SH3BP5: variants seen among roughly 807,000 people sequenced by gnomAD.
SH3BP5 encodes the protein SH3 domain binding protein 5.
In SH3BP5, 22 loss-of-function variants were observed where a neutral mutation model predicts 43.3. That is an observed-to-expected ratio of 0.51 (90% CI 0.36 to 0.73). The LOEUF (loss-of-function observed/expected upper bound fraction) is 0.73, where lower values mean the gene tolerates loss of function less well. SH3BP5 is among the 30% of genes least tolerant of loss of function. The pLI is 0.00. For missense variants in SH3BP5, 529 were observed against 586.9 expected (o/e 0.90, Z 1.02); for synonymous variants, 255 against 225.8 (o/e 1.13, Z -1.16).
At chr3:15,307,825 C>G (rs1697952678) in intron 2 of SH3BP5, among the ~76,000 whole-genome samples, 1 of 152,200 alleles carries the variant, frequency 6.6e-6, no homozygotes, top group African/African-American at 2.4e-5. Context: ...ACATTCACAC[C>G]AGTGAGAAAA....
At chr3:15,337,672 A>G (rs1046979268) in intron 1 of SH3BP5, among the ~76,000 whole-genome samples, 1 of 151,972 alleles carries the variant, frequency 6.6e-6, no homozygotes, top group Non-Finnish European at 1.5e-5. Flanking sequence ...TTGAGAGGCC[A>G]AGGGAGGAGG....
intron 1 of SH3BP5, among the ~76,000 whole-genome samples, chr3:15,341,039 T>G (rs7637158): frequency 6.6e-6 from 1 of 151,712 alleles, no homozygotes; most frequent in Non-Finnish European, 1.5e-5. Context: ...GCAACAAGAG[T>G]GAAAGTCCGC....
intron 2 of SH3BP5, among the ~76,000 whole-genome samples, chr3:15,316,219 CTTT>C (rs577644493): frequency 6.1e-5 from 5 of 81,686 alleles, no homozygotes; most frequent in African/African-American, 1.6e-4. Flanking sequence ...AAAAGACTCG[CTTT>C]TTTTTTTTTT....
At chr3:15,305,134 A>T (rs1229918466) in intron 2 of SH3BP5, among the ~76,000 whole-genome samples, 1 of 151,910 alleles carries the variant, frequency 6.6e-6, no homozygotes, top group Non-Finnish European at 1.5e-5. Context: ...AAAAAAATTA[A>T]TTCATTATAT....
At chr3:15,260,798 T>G (rs569749779) in intron 5 of SH3BP5, among the ~76,000 whole-genome samples, 1 of 152,238 alleles carries the variant, frequency 6.6e-6, no homozygotes, top group Non-Finnish European at 1.5e-5. Context: ...CTCTGTGGAA[T>G]GCACAGATGT....
chr3:15,321,719 C>T (rs1408154517), intron 2 of SH3BP5, among the ~76,000 whole-genome samples: 1 of 151,772 alleles, frequency 6.6e-6, no homozygotes, highest in African/African-American at 2.4e-5. Context: ...GATGGATCTT[C>T]TCCCATCCAA....
At chr3:15,335,038 C>T (rs145412192), upstream of SH3BP5, among the ~76,000 whole-genome samples, 404 of 151,590 alleles carry the variant, frequency 2.7e-3, 4 homozygotes, top group East Asian at 0.016. Flanking sequence ...TTTGGGAGGC[C>T]GAGGCAGGAG....
intron 2 of SH3BP5, among the ~76,000 whole-genome samples, chr3:15,305,626 T>C (rs1290665560): frequency 2.0e-5 from 3 of 151,660 alleles, no homozygotes; most frequent in East Asian, 1.9e-4. Flanking sequence ...GAATAGGAAA[T>C]TGGGGGAGGG....
intron 3 of SH3BP5, 136 bp downstream of exon 3, chr3:15,303,967 G>T: frequency 1.5e-6 from 1 of 686,958 alleles, no homozygotes; most frequent in Non-Finnish European, 2.5e-6. Flanking sequence ...GCAGATTGCG[G>T]GGCGGTGGGT....
intron 1 of SH3BP5, among the ~76,000 whole-genome samples, chr3:15,338,321 C>G (rs1698726147): frequency 6.6e-6 from 1 of 152,180 alleles, no homozygotes; most frequent in Admixed American, 6.5e-5. Flanking sequence ...CCAGCCTGGA[C>G]AACAGATAGG....
At position 15,256,248 on chromosome 3, in the gene SH3BP5, C is replaced by T. The variant is rs528659471; in HGVS notation, c.1206G>A (p.Arg402=). 3.7e-6 allele frequency: 6 copies of T among 1,614,180 alleles called. No homozygotes were observed. The South Asian group carries it at 5.5e-5, about 15-fold the overall frequency. ...NKTSDKANNN[R]GLSSSSGSGG... ...CACTGCCACTGCTACTGCTGAGGCC[C>T]CGGTTGTTGTTGGCTTTGTCACTTG... Residue 402 remains arginine, a synonymous_variant, in exon 9 of 9, where the codon CGG becomes CGA. Coordinates refer to ENST00000383791, the MANE Select transcript of SH3BP5 (RefSeq NM_004844.5).
chr3:15,309,659 G>C (rs530471344), intron 2 of SH3BP5, among the ~76,000 whole-genome samples: 9 of 152,266 alleles, frequency 5.9e-5, no homozygotes, highest in African/African-American at 2.2e-4. Flanking sequence ...GACTCCTCAG[G>C]TGATTCTGAT....
chr3:15,328,527 C>T (rs1698522632), intron 2 of SH3BP5, among the ~76,000 whole-genome samples: 2 of 152,046 alleles, frequency 1.3e-5, no homozygotes, highest in South Asian at 4.1e-4. Flanking sequence ...GCCTGGAGTT[C>T]AAGACCAGCC....
chr3:15,269,154 C>T (rs1032979129), intron 4 of SH3BP5, among the ~76,000 whole-genome samples: 1 of 152,048 alleles, frequency 6.6e-6, no homozygotes, highest in Non-Finnish European at 1.5e-5. Flanking sequence ...TGACATAAAA[C>T]CCAGCAAGCC....
At chr3:15,275,136 C>G (rs1400754103) in intron 3 of SH3BP5, among the ~76,000 whole-genome samples, 2 of 152,172 alleles carry the variant, frequency 1.3e-5, no homozygotes, top group African/African-American at 4.8e-5. Context: ...AGATCTCTCC[C>G]TCTGGTGCAC....
At chr3:15,319,855 C>G (rs1344095685) in intron 2 of SH3BP5, among the ~76,000 whole-genome samples, 1 of 152,160 alleles carries the variant, frequency 6.6e-6, no homozygotes, top group Non-Finnish European at 1.5e-5. Context: ...CTGCATAAAA[C>G]TCCTCAAGCA....
At chr3:15,272,834 A>C (rs1321034360) in intron 3 of SH3BP5, among the ~76,000 whole-genome samples, 1 of 152,154 alleles carries the variant, frequency 6.6e-6, no homozygotes, top group East Asian at 1.9e-4. Context: ...CCTGCTGTGG[A>C]CTCACCATGT....
chr3:15,304,016 T>G (rs1697827635), intron 3 of SH3BP5, 87 bp downstream of exon 3: 3 of 1,128,072 alleles, frequency 2.7e-6, no homozygotes, highest in Non-Finnish European at 4.0e-6. Flanking sequence ...GCTTCTAACC[T>G]TCAGCAGGTG....
chr3:15,332,997 T>C, upstream of SH3BP5: 4 of 729,026 alleles, frequency 5.5e-6, no homozygotes, highest in African/African-American at 1.9e-5. Flanking sequence ...ACCTTGGGAA[T>C]GGCGGAGGTT....
Sources: allele counts gnomAD v4.1 joint callset (sites outside exome capture counted in the v4.1 genomes callset), GRCh38; gene constraint gnomAD v4.1.1; transcripts MANE v1.5; gene names NCBI Gene and HGNC (gene_info 2026-07-23, HGNC 2026-07-21).